CLVS1: variants seen among roughly 807,000 people sequenced by gnomAD.
CLVS1 encodes the protein clavesin-1.
In CLVS1, 10 loss-of-function variants were observed where a neutral mutation model predicts 33.1. The observed-to-expected ratio is 0.30, with a 90% CI of 0.19 to 0.51. The LOEUF is 0.51. Among genes scored for constraint, CLVS1 ranks in the 20% least tolerant of loss-of-function variants. The probability of loss-of-function intolerance (pLI) is 0.97; values close to 1 mark genes in which losing one functional copy is unlikely to be tolerated. For synonymous variants in CLVS1, 163 were observed against 166.1 expected, an observed-to-expected ratio of 0.98 and a Z score of 0.14; for missense variants, 343 against 433.4, an observed-to-expected ratio of 0.79 and a Z score of 1.85.
intron 2 of CLVS1, among the ~76,000 whole-genome samples, chr8:61,213,567 A>G (rs1243402524): frequency 6.6e-6 from 1 of 151,854 alleles, no homozygotes; most frequent in African/African-American, 2.4e-5. Flanking sequence ...CTTTACTGCA[A>G]TCTCTAAACA....
intron 1 of CLVS1, among the ~76,000 whole-genome samples, chr8:61,114,807 T>A (rs984386181): frequency 6.6e-6 from 1 of 152,246 alleles, no homozygotes; most frequent in Non-Finnish European, 1.5e-5. Context: ...TATACTTACA[T>A]TCTCAAGTCA....
chr8:61,355,639 C>T (rs1339616082), intron 2 of CLVS1, among the ~76,000 whole-genome samples: 1 of 152,108 alleles, frequency 6.6e-6, no homozygotes, highest in Non-Finnish European at 1.5e-5. Flanking sequence ...TGTTCAATTC[C>T]CACCTATGAG....
intron 2 of CLVS1, among the ~76,000 whole-genome samples, chr8:61,177,125 C>T (rs147370924): frequency 0.016 from 2,474 of 152,310 alleles, 29 homozygotes; most frequent in African/African-American, 0.023. Context: ...TCTATGGCTC[C>T]AGGCAACACT....
intron 2 of CLVS1, among the ~76,000 whole-genome samples, chr8:61,358,360 G>C (rs1293769814): frequency 6.6e-6 from 1 of 152,150 alleles, no homozygotes; most frequent in Non-Finnish European, 1.5e-5. Context: ...TGCAAGCCTT[G>C]TTAGTTTTCC....
chr8:61,011,670 A>C, the CLVS1 span, among the ~76,000 whole-genome samples: 4 of 152,054 alleles, frequency 2.6e-5, no homozygotes, highest in African/African-American at 7.3e-5. Context: ...GCTGGTCTCG[A>C]ATGCCTGACC....
chr8:61,175,056 T>C (rs1807088927), intron 2 of CLVS1, among the ~76,000 whole-genome samples: 2 of 152,246 alleles, frequency 1.3e-5, no homozygotes. Context: ...TAATAGTGAC[T>C]CTACTTAGTA....
the CLVS1 span, among the ~76,000 whole-genome samples, chr8:60,981,377 A>T: frequency 6.6e-6 from 1 of 152,254 alleles, no homozygotes; most frequent in Non-Finnish European, 1.5e-5. Context: ...TGCATTTCAC[A>T]TACAGGCAAG....
intron 2 of CLVS1, among the ~76,000 whole-genome samples, chr8:61,253,321 T>C (rs925921712): frequency 7.9e-5 from 12 of 152,222 alleles, no homozygotes; most frequent in African/African-American, 2.4e-4. Context: ...CCTTTATGGG[T>C]AACCTGACCT....
At position 61,351,560 on chromosome 8, in the gene CLVS1, TA is replaced by T. The variant is rs35751660; in HGVS notation, c.456-25036del. On this transcript the variant is annotated intron_variant, in intron 2 of 5. Coordinates refer to ENST00000325897, the MANE Select transcript of CLVS1 (RefSeq NM_173519.3). Reference sequence around the variant, plus strand: ...TGGCTGAAAACTTCCCAAATTTGGTTAAAAAAAAATACAAACTTACAGATCC... The same window carrying T: ...TGGCTGAAAACTTCCCAAATTTGGTTAAAAAAAATACAAACTTACAGATCC... Among the ~76,000 whole-genome samples the T allele has an allele frequency of 2.2e-3, 333 of 151,046 alleles. 2 individuals carry two copies. Among genetic ancestry groups the T allele is most frequent in the African/African-American group, 7.3e-3 (300 of 41,224 alleles).
chr8:61,030,084 G>A, the CLVS1 span, among the ~76,000 whole-genome samples: 1 of 152,234 alleles, frequency 6.6e-6, no homozygotes, highest in Admixed American at 6.5e-5. Context: ...CTGCCATTTG[G>A]CAGCCAGTGG....
chr8:61,341,749 G>A (rs1292307903), intron 2 of CLVS1, among the ~76,000 whole-genome samples: 1 of 152,198 alleles, frequency 6.6e-6, no homozygotes, highest in Non-Finnish European at 1.5e-5. Flanking sequence ...AAAGGTGGAG[G>A]TGAAAGCCAG....
At chr8:61,212,781 CT>C (rs1807999592) in intron 2 of CLVS1, among the ~76,000 whole-genome samples, 1 of 152,162 alleles carries the variant, frequency 6.6e-6, no homozygotes, top group Non-Finnish European at 1.5e-5. Flanking sequence ...AGCCGGGCTG[CT>C]GCCAGCAGGG....
rs998637863 is a variant in CLVS1 at position 61,396,602 on chromosome 8, C to T, written c.630+19823C>T. 9.2e-5 allele frequency among the ~76,000 whole-genome samples: 14 copies of T among 152,242 alleles called. No homozygotes were observed. The East Asian group carries it at 2.1e-3, about 23-fold the overall frequency. On this transcript the variant is annotated intron_variant, in intron 3 of 5. Coordinates refer to ENST00000325897, the MANE Select transcript of CLVS1 (RefSeq NM_173519.3). ...AGTTAGTGCTTTTTGGTATATTCAC[C>T]GTTGTGTAACCATCATCACAATTTA...
intron 2 of CLVS1, among the ~76,000 whole-genome samples, chr8:61,306,224 C>G (rs1810621766): frequency 6.6e-6 from 1 of 152,130 alleles, no homozygotes; most frequent in South Asian, 2.1e-4. Flanking sequence ...TTAATAATAG[C>G]CATTCTGACT....
chr8:61,317,027 C>T (rs959812568), intron 2 of CLVS1, among the ~76,000 whole-genome samples: 14 of 152,032 alleles, frequency 9.2e-5, no homozygotes, highest in African/African-American at 3.4e-4. Flanking sequence ...TTTTTTTTCA[C>T]TTAAAATTAT....
chr8:61,251,547 C>T (rs982409074), intron 2 of CLVS1, among the ~76,000 whole-genome samples: 10 of 152,072 alleles, frequency 6.6e-5, no homozygotes, highest in Non-Finnish European at 1.2e-4. Context: ...TGGTCCTGGG[C>T]TTTTTTTGGT....
intron 1 of CLVS1, among the ~76,000 whole-genome samples, chr8:61,097,354 A>G (rs1805372224): frequency 6.6e-6 from 1 of 152,068 alleles, no homozygotes; most frequent in Non-Finnish European, 1.5e-5. Flanking sequence ...ATAAATAAAA[A>G]CTCAGTGTAT....
chr8:61,057,971 T>C (rs899283146), intron 1 of CLVS1, among the ~76,000 whole-genome samples: 2 of 152,166 alleles, frequency 1.3e-5, no homozygotes, highest in Non-Finnish European at 2.9e-5. Context: ...AAAGGTCCCA[T>C]TGAGGCTAAT....
At chr8:61,126,971 A>G (rs1050344015) in intron 1 of CLVS1, among the ~76,000 whole-genome samples, 3 of 152,150 alleles carry the variant, frequency 2.0e-5, no homozygotes, top group African/African-American at 7.2e-5. Flanking sequence ...ATGTTCCTCA[A>G]TTGGCCTGGG....
Sources: gnomAD v4.1 joint callset for allele counts (sites outside exome capture counted in the v4.1 genomes callset) on GRCh38, gnomAD v4.1.1 for gene constraint, MANE v1.5 for transcripts, NCBI Gene and HGNC (gene_info 2026-07-23, HGNC 2026-07-21) for gene names.